The following ZNF112 variants were observed in gnomAD, a reference collection of about 807,000 sequenced individuals.
ZNF112 encodes zinc finger protein 112 (Y14).
In ZNF112, 37 loss-of-function variants were observed where a neutral mutation model predicts 77.7. That is an observed-to-expected ratio of 0.48 (90% confidence interval 0.37 to 0.63). The LOEUF (loss-of-function observed/expected upper bound fraction) is 0.63, where lower values mean the gene tolerates loss of function less well. Ranked by LOEUF, ZNF112 falls within the 20% of genes least tolerant of loss-of-function variation. ZNF112 has a pLI of 0.00. For missense variants in ZNF112, 950 were observed against 1,077.4 expected (o/e 0.88, Z 1.66); for synonymous variants, 333 against 363.6 (o/e 0.92, Z 0.96).
intron 1 of ZNF112, among the ~76,000 whole-genome samples, chr19:44,351,052 T>C (rs1191138600): frequency 6.6e-6 from 1 of 151,990 alleles, no homozygotes; most frequent in Non-Finnish European, 1.5e-5. Context: ...GCAGGGCTGG[T>C]TGCTTCTCAT....
chr19:44,350,763 C>T (rs761821767), intron 1 of ZNF112, among the ~76,000 whole-genome samples: 1 of 152,008 alleles, frequency 6.6e-6, no homozygotes, highest in East Asian at 1.9e-4. Flanking sequence ...TTGATGCAAG[C>T]GCAAAGGACC....
chr19:44,341,920 T>G (rs934418624), intron 1 of ZNF112, among the ~76,000 whole-genome samples: 16 of 152,222 alleles, frequency 1.1e-4, no homozygotes, highest in African/African-American at 3.9e-4. Context: ...TTGTAAGTCT[T>G]TCCACGCAAG....
chr19:44,335,400 G>A (rs1049502147), intron 3 of ZNF112, among the ~76,000 whole-genome samples: 5 of 152,224 alleles, frequency 3.3e-5, no homozygotes, highest in African/African-American at 1.2e-4. Context: ...CAAGGTAACG[G>A]CAAAGAAGAA....
rs192824217 is a variant in ZNF112 at position 44,365,856 on chromosome 19, C to A, written c.17+1225G>T. On this transcript the variant is annotated intron_variant, in intron 1 of 4. Transcript: ENST00000588057. ...CAATTTCATTGACTTATGTAGCTGCCACAAAACTTCACTCTATCCTCTCCA... is the reference window on the plus strand; with the variant it reads ...CAATTTCATTGACTTATGTAGCTGCAACAAAACTTCACTCTATCCTCTCCA... Among the ~76,000 whole-genome samples, 246 of 152,164 alleles carry A rather than the reference C, an allele frequency of 1.6e-3. 1 individual carries two copies. Among genetic ancestry groups the A allele is most frequent in the African/African-American group, 5.6e-3 (232 of 41,498 alleles).
At chr19:44,350,117 A>T (rs1323085445) in intron 1 of ZNF112, among the ~76,000 whole-genome samples, 2 of 152,110 alleles carry the variant, frequency 1.3e-5, no homozygotes, top group Admixed American at 6.5e-5. Context: ...TAGTGGTAAA[A>T]GATATGTTGG....
intron 1 of ZNF112, among the ~76,000 whole-genome samples, chr19:44,352,505 G>A (rs2164112): frequency 0.19 from 29,260 of 151,908 alleles, 3,514 homozygotes; most frequent in African/African-American, 0.32. Flanking sequence ...AGCCAGTGTA[G>A]TGAGGCAAGG....
chr19:44,364,141 C>T (rs1234193460), intron 1 of ZNF112, among the ~76,000 whole-genome samples: 1 of 152,090 alleles, frequency 6.6e-6, no homozygotes, highest in East Asian at 1.9e-4. Context: ...AACTTCTGAC[C>T]TTGGATGATC....
intron 1 of ZNF112, among the ~76,000 whole-genome samples, chr19:44,346,904 G>T (rs972957483): frequency 3.9e-5 from 6 of 152,218 alleles, no homozygotes; most frequent in Non-Finnish European, 8.8e-5. Context: ...TGTGCATTCT[G>T]TTGTTGATAG....
intron 1 of ZNF112, chr19:44,341,221 T>C (rs762777504): frequency 3.9e-5 from 18 of 456,256 alleles, no homozygotes; most frequent in Non-Finnish European, 6.2e-5. Context: ...ATTTTCATTA[T>C]ATCTTCTATC....
chr19:44,328,164 C>T lies in ZNF112; in HGVS notation c.1993G>A (p.Gly665Ser). The change falls in exon 4 of 4, where the codon GGT becomes AGT. Residue 665 changes from glycine (G) to serine (S), a missense_variant. Around this residue, in one of 3 missense-constraint regions of ZNF112, gnomAD observed 373 missense variants for 482.8 expected, o/e 0.77. Coordinates refer to ENST00000354340, the MANE Select transcript of ZNF112 (RefSeq NM_013380.4). ...GEKPYKCEEC[G>S]KGFSKASTLL... The stretch of plus-strand genomic sequence containing the variant: ...GTTGAGGCCTTACTGAAGCCTTTAC[C>T]ACATTCTTCACATTTATAGGGTTTT... 6.2e-7 allele frequency: 1 copy of T among 1,613,842 alleles called. No individual in the cohort carries two copies. The highest frequency in any genetic ancestry group is 8.5e-7 in the Non-Finnish European group (1 of 1,179,952).
intron 2 of ZNF112, among the ~76,000 whole-genome samples, chr19:44,339,373 G>GC (rs2123172193): frequency 6.6e-6 from 1 of 152,302 alleles, no homozygotes; most frequent in Admixed American, 6.5e-5. Context: ...GGGGCTTTGA[G>GC]CCATGTGGTA....
chr19:44,346,737 C>T (rs1415090975), intron 1 of ZNF112, among the ~76,000 whole-genome samples: 3 of 152,140 alleles, frequency 2.0e-5, no homozygotes, highest in Non-Finnish European at 2.9e-5. Context: ...CCAATCCCTA[C>T]GTTTGGTAAT....
rs1344364844 is a variant in ZNF112, at chr19:44,328,532, G to T, written c.1625C>A (p.Thr542Lys). 1.2e-6 allele frequency: 2 copies of T among 1,606,230 alleles called. No homozygotes were observed. Among genetic ancestry groups the T allele is most frequent in the Non-Finnish European group, 1.7e-6 (2 of 1,175,106 alleles). Residue 542 changes from threonine (T) to lysine (K), a missense_variant, in exon 4 of 4, where the codon ACA becomes AAA. Thr to Lys is a moderately conservative substitution (Grantham distance 78). Transcript: ENST00000354340. ...CTCGCATTTATAAGGTTTCTCTCCT[G>T]TGTGGACTCTCTGATGAACATTCAG... ...SVLNVHQRVH[T>K]GEKPYKCEEC...
chr19:44,340,818 A>C (rs1970476139), intron 1 of ZNF112, among the ~76,000 whole-genome samples: 1 of 152,208 alleles, frequency 6.6e-6, no homozygotes, highest in Non-Finnish European at 1.5e-5. Context: ...TTGTAATAAT[A>C]ATGTCATTTG....
At chr19:44,342,596 C>G (rs1489066700) in intron 1 of ZNF112, among the ~76,000 whole-genome samples, 2 of 152,040 alleles carry the variant, frequency 1.3e-5, no homozygotes, top group African/African-American at 4.8e-5. Context: ...GCACGTAGAT[C>G]ACGAGGTCAG....
Position 44,329,502 on chromosome 19 carries a change from C to T in ZNF112, c.655G>A (p.Val219Ile), listed in dbSNP as rs778312372. The T allele has an allele frequency of 5.0e-6, 8 of 1,614,100 alleles. No homozygotes were observed. Among genetic ancestry groups the T allele is most frequent in the Admixed American group, 1.7e-5 (1 of 60,012 alleles). ...CAGCTGTAGTTTTCTTTTCTGTGTA[C>T]TTCCAGTTTATCATTGTGATGTGAG... ...WLSHHNDKLE[V>I]HRKENYSCHD... Residue 219 changes from valine (V) to isoleucine (I), a missense_variant, in exon 4 of 4, where the codon GTA (valine) becomes ATA (isoleucine). Val to Ile is a conservative substitution (Grantham distance 29). This residue lies in a region of ZNF112 where 560 missense variants were observed against 557.3 expected (regional missense o/e 1.00). Transcript: ENST00000354340.
intron 1 of ZNF112, among the ~76,000 whole-genome samples, chr19:44,341,897 T>C (rs1196305683): frequency 2.6e-5 from 4 of 151,126 alleles, no homozygotes; most frequent in African/African-American, 9.8e-5. Flanking sequence ...CTGCTTTGGT[T>C]TGCTTTGCTT....
At position 44,328,765 on chromosome 19, in the gene ZNF112, T is replaced by C; in HGVS notation, c.1392A>G (p.Pro464=). 4 of 1,614,138 alleles carry C rather than the reference T, an allele frequency of 2.5e-6. No individual in the cohort carries two copies. Among genetic ancestry groups the C allele is most frequent in the Non-Finnish European group, 2.5e-6 (3 of 1,179,988 alleles). ...TGTTACTACACACATAGCGTTTATATGGTTGTTCCTTAGTGTGGACTATCT... is the reference window on the plus strand; with the variant it reads ...TGTTACTACACACATAGCGTTTATACGGTTGTTCCTTAGTGTGGACTATCT... ...DLQIVHTKEQ[P]YKRYVCSNSF... is the part of the protein sequence containing the mutation. The change falls in exon 4 of 4, where the codon CCA becomes CCG. Residue 464 remains proline (P), a synonymous_variant. Coordinates refer to ENST00000354340, the MANE Select transcript of ZNF112 (RefSeq NM_013380.4).
intron 1 of ZNF112, among the ~76,000 whole-genome samples, chr19:44,364,656 CACA>C (rs969843486): frequency 5.3e-5 from 8 of 152,118 alleles, no homozygotes; most frequent in Admixed American, 3.3e-4. Flanking sequence ...AAATTAGCAA[CACA>C]ACAATAAAAA....
Sources: allele counts gnomAD v4.1 joint callset (sites outside exome capture counted in the v4.1 genomes callset), GRCh38; gene constraint gnomAD v4.1.1; regional missense constraint gnomAD v4.1.1; transcripts MANE v1.5; gene names NCBI Gene and HGNC (gene_info 2026-07-23, HGNC 2026-07-21).